SWAP70: variants seen among roughly 807,000 people sequenced by gnomAD.
SWAP70 encodes the protein switch-associated protein 70.
Under a neutral mutation model 80.2 loss-of-function variants are expected in SWAP70, and 34 were observed. That is an observed-to-expected ratio of 0.42 (90% CI 0.32 to 0.56). The LOEUF (loss-of-function observed/expected upper bound fraction) is 0.56, where lower values mean the gene tolerates loss of function less well. SWAP70 is among the 20% of genes least tolerant of loss of function. The probability of loss-of-function intolerance (pLI) is 0.09; values close to 1 mark genes in which losing one functional copy is unlikely to be tolerated. For synonymous variants in SWAP70, 239 were observed against 238.5 expected (o/e 1.00, Z -0.02); for missense variants, 578 against 690.7 (o/e 0.84, Z 1.83).
At chr11:9,723,857 C>A (rs895857238) in intron 3 of SWAP70, among the ~76,000 whole-genome samples, 1 of 150,630 alleles carries the variant, frequency 6.6e-6, no homozygotes, top group African/African-American at 2.4e-5. Context: ...ACTGCAACCT[C>A]TGTCTTCAAG....
At chr11:9,732,428 C>T in intron 6 of SWAP70, 101 bp from the exon 7 acceptor site, 1 of 1,198,460 alleles carries the variant, frequency 8.3e-7, no homozygotes, top group Non-Finnish European at 1.2e-6. Flanking sequence ...GGCCTTCTGG[C>T]TCCCTGTCTC....
intron 6 of SWAP70, among the ~76,000 whole-genome samples, chr11:9,731,570 G>A (rs1427335858): frequency 6.6e-6 from 1 of 152,192 alleles, no homozygotes; most frequent in Non-Finnish European, 1.5e-5. Context: ...GGTGTACCAT[G>A]CAGTACTTCA....
chr11:9,694,151 T>C lies in SWAP70; in HGVS notation c.105T>C (p.Leu35=). 6.3e-7 allele frequency: 1 copy of C among 1,591,250 alleles called. No homozygotes were observed. The highest frequency in any genetic ancestry group is 1.1e-5 in the South Asian group (1 of 87,280). The part of the protein sequence containing the change: ...GKVSKSQLKV[L]SHNLCTVLKV... ...GATTTTCTTTTCCCTTGCAGGTCCT[T>C]TCCCATAACCTGTGCACGGTGCTGA... is the stretch of plus-strand genomic sequence containing the variant. The change falls in exon 2 of 12, where the codon CTT becomes CTC. Residue 35 remains leucine, a synonymous_variant. Transcript: ENST00000318950.
chr11:9,722,720 A>G (rs937767886), intron 3 of SWAP70, among the ~76,000 whole-genome samples: 1 of 152,240 alleles, frequency 6.6e-6, no homozygotes, highest in African/African-American at 2.4e-5. Flanking sequence ...GACATAAAGC[A>G]TAAGGAAAAT....
chr11:9,684,802 GA>G (rs1414102034), intron 1 of SWAP70, among the ~76,000 whole-genome samples: 2 of 152,142 alleles, frequency 1.3e-5, no homozygotes, highest in East Asian at 1.9e-4. Flanking sequence ...TTTAAAAAAA[GA>G]AAAAAATTCT....
rs79955333 is a variant in SWAP70, at chr11:9,725,573, T to A, written c.642+688T>A. ...TATATATATATATATATATATATTT[T>A]TTTTTTTTTTTTTTTCCAAGACGGA... is the stretch of plus-strand genomic sequence containing the variant. On this transcript the variant is annotated intron_variant, in intron 4 of 11. Coordinates refer to ENST00000318950, the MANE Select transcript of SWAP70 (RefSeq NM_015055.4). Among the ~76,000 whole-genome samples, 277 of 37,392 alleles carry A rather than the reference T, an allele frequency of 7.4e-3. 1 individual carries two copies. The highest frequency in any genetic ancestry group is 0.021 in the South Asian group (29 of 1,366). The allele number at this position is 37,392 out of a possible 152,430, so 24.5% of individuals were successfully genotyped here.
chr11:9,685,589 C>T (rs192344082), intron 1 of SWAP70, among the ~76,000 whole-genome samples: 7 of 145,140 alleles, frequency 4.8e-5, no homozygotes, highest in South Asian at 2.1e-4. Context: ...ATCCCATTTG[C>T]GAGAGTTCCG....
chr11:9,736,762 G>A (rs566627079), intron 7 of SWAP70, among the ~76,000 whole-genome samples: 4 of 152,232 alleles, frequency 2.6e-5, no homozygotes, highest in African/African-American at 9.6e-5. Flanking sequence ...ATTTTGTTCT[G>A]TTGTTCTCCA....
intron 11 of SWAP70, 99 bp downstream of exon 11, chr11:9,749,282 G>A (rs532892709): frequency 2.1e-5 from 12 of 581,696 alleles, no homozygotes; most frequent in South Asian, 1.2e-4. Flanking sequence ...TCGCTCTGTC[G>A]CCCAGGCTGG....
chr11:9,672,418 G>T (rs1850430199), intron 1 of SWAP70, among the ~76,000 whole-genome samples: 1 of 150,996 alleles, frequency 6.6e-6, no homozygotes, highest in Admixed American at 6.6e-5. Flanking sequence ...AGGCTGGAGT[G>T]CAGTGGCACG....
intron 4 of SWAP70, chr11:9,726,902 T>C (rs1590040751): frequency 2.2e-6 from 1 of 456,274 alleles, no homozygotes; most frequent in Non-Finnish European, 4.4e-6. Flanking sequence ...AGTATTTTCC[T>C]GTTGGTCTGG....
At chr11:9,696,233 C>T (rs1170280929) in intron 2 of SWAP70, among the ~76,000 whole-genome samples, 1 of 152,022 alleles carries the variant, frequency 6.6e-6, no homozygotes, top group African/African-American at 2.4e-5. Flanking sequence ...GGGCCATGTT[C>T]GGTTTTTCCC....
intron 2 of SWAP70, among the ~76,000 whole-genome samples, chr11:9,708,892 A>G (rs1052031392): frequency 6.6e-6 from 1 of 152,154 alleles, no homozygotes; most frequent in Admixed American, 6.6e-5. Flanking sequence ...GCAGTTTGGT[A>G]TGGTGGGAAG....
At chr11:9,707,518 A>G (rs1850930832) in intron 2 of SWAP70, among the ~76,000 whole-genome samples, 1 of 149,010 alleles carries the variant, frequency 6.7e-6, no homozygotes, top group Non-Finnish European at 1.5e-5. Context: ...GCTGAATAAT[A>G]CTTCATTGTA....
At chr11:9,713,681 A>T in intron 3 of SWAP70, 42 bp downstream of exon 3, 1 of 1,576,064 alleles carries the variant, frequency 6.3e-7, no homozygotes, top group South Asian at 1.2e-5. Context: ...TCATTTTAGC[A>T]TTTAATAGAC....
At chr11:9,691,358 C>G (rs1371837667) in intron 1 of SWAP70, among the ~76,000 whole-genome samples, 1 of 152,208 alleles carries the variant, frequency 6.6e-6, no homozygotes, top group Non-Finnish European at 1.5e-5. Context: ...AAGTCCAACT[C>G]TCATTTGACA....
At chr11:9,727,033 T>G in intron 4 of SWAP70, 1 of 451,106 alleles carries the variant, frequency 2.2e-6, no homozygotes, top group South Asian at 1.6e-5. Flanking sequence ...GCATTTTCAT[T>G]GATTGAGGTT....
chr11:9,675,320 C>CGAGAGA (rs111414369), intron 1 of SWAP70, among the ~76,000 whole-genome samples: 322 of 31,486 alleles, frequency 0.01, 53 homozygotes, highest in East Asian at 0.018. Context: ...AGAGAGGGAG[C>CGAGAGA]GAGAGAGAGA....
chr11:9,739,699 C>T (rs1851410594), intron 8 of SWAP70, among the ~76,000 whole-genome samples: 1 of 152,160 alleles, frequency 6.6e-6, no homozygotes, highest in South Asian at 2.1e-4. Flanking sequence ...GGAGTGGAGA[C>T]AGCCAGGGAA....
Sources: gnomAD v4.1 joint callset for allele counts (sites outside exome capture counted in the v4.1 genomes callset) on GRCh38, gnomAD v4.1.1 for gene constraint, MANE v1.5 for transcripts, NCBI Gene and HGNC (gene_info 2026-07-23, HGNC 2026-07-21) for gene names.